The following TMEFF2 variants were observed in gnomAD, a reference collection of about 807,000 sequenced individuals.
The protein encoded by TMEFF2 is transmembrane protein with EGF like and two follistatin like domains 2, also known as tomoregulin-2.
Under a neutral mutation model 53.8 loss-of-function variants are expected in TMEFF2, and 28 were observed. The observed-to-expected ratio is 0.52, with a 90% CI of 0.39 to 0.71. TMEFF2 has a LOEUF of 0.71. Among genes scored for constraint, TMEFF2 ranks in the 30% least tolerant of loss-of-function variants. TMEFF2 has a pLI of 0.00. For synonymous variants in TMEFF2, 162 were observed against 166.3 expected (o/e 0.97, Z 0.20); for missense variants, 353 against 455.2 (o/e 0.78, Z 2.04).
chr2:192,190,544 T>A (rs1455139126), intron 2 of TMEFF2, among the ~76,000 whole-genome samples: 1 of 152,134 alleles, frequency 6.6e-6, no homozygotes, highest in Non-Finnish European at 1.5e-5. Flanking sequence ...CCTTAGAAGT[T>A]GACGTTACAT....
chr2:192,091,193 C>G (rs1688781484), intron 4 of TMEFF2, among the ~76,000 whole-genome samples: 1 of 152,114 alleles, frequency 6.6e-6, no homozygotes, highest in South Asian at 2.1e-4. Context: ...GGTACTTCCC[C>G]CGTGTGTATC....
At chr2:192,049,614 G>A (rs990058813) in intron 5 of TMEFF2, among the ~76,000 whole-genome samples, 7 of 152,142 alleles carry the variant, frequency 4.6e-5, no homozygotes, top group African/African-American at 7.2e-5. Context: ...AAGAAATAGA[G>A]AGTGAGTTTA....
At chr2:192,097,265 A>G (rs1356898070) in intron 4 of TMEFF2, among the ~76,000 whole-genome samples, 1 of 152,256 alleles carries the variant, frequency 6.6e-6, no homozygotes, top group African/African-American at 2.4e-5. Context: ...ATTGCAAGTA[A>G]AAAGATCTCA....
At chr2:192,033,520 AT>A (rs11396104) in intron 5 of TMEFF2, among the ~76,000 whole-genome samples, 8,503 of 135,528 alleles carry the variant, frequency 0.063, 359 homozygotes, top group African/African-American at 0.12. Context: ...ACCAGTTTGG[AT>A]TTTTTTTTTT....
chr2:192,076,282 C>G (rs555052848), intron 4 of TMEFF2, among the ~76,000 whole-genome samples: 29 of 152,138 alleles, frequency 1.9e-4, no homozygotes, highest in African/African-American at 6.3e-4. Context: ...CCTCTCCTTT[C>G]TATGTCTCCC....
At chr2:192,057,542 A>ATTTTTTTT in intron 5 of TMEFF2, 137 bp downstream of exon 5, 3 of 696,466 alleles carry the variant, frequency 4.3e-6, no homozygotes, top group South Asian at 4.1e-5. Context: ...CCTTGCCCTC[A>ATTTTTTTT]TTTTTTTTTT....
At chr2:192,176,443 C>T (rs6729303) in intron 4 of TMEFF2, among the ~76,000 whole-genome samples, 4,819 of 151,278 alleles carry the variant, frequency 0.032, 230 homozygotes, top group African/African-American at 0.11. Context: ...ATACAGTCAG[C>T]GAAATGCGAC....
intron 5 of TMEFF2, among the ~76,000 whole-genome samples, chr2:192,014,269 G>A (rs2105852889): frequency 6.6e-6 from 1 of 152,284 alleles, no homozygotes; most frequent in East Asian, 1.9e-4. Context: ...AGTAATCAAT[G>A]TGAACGGTAA....
chr2:192,184,298 A>C, intron 3 of TMEFF2, 56 bp downstream of exon 3: 1 of 1,593,644 alleles, frequency 6.3e-7, no homozygotes, highest in Admixed American at 1.7e-5. Context: ...AATGAAAGAC[A>C]TGGTTTTTGG....
rs1559159929 is a variant in TMEFF2 at position 192,179,647 on chromosome 2, AT to A, written c.439+20del. ...AATATCCACCAGTAAATCTTCAAATATGTAAAAAGGCAACTCCTACCTCCAT... is the reference window on the plus strand; with the variant it reads ...AATATCCACCAGTAAATCTTCAAATAGTAAAAAGGCAACTCCTACCTCCAT... On this transcript the variant is annotated intron_variant, in intron 4 of 9. Transcript: ENST00000272771. 1 of 1,564,140 alleles carries A rather than the reference AT, an allele frequency of 6.4e-7. No individual in the cohort carries two copies. The highest frequency in any genetic ancestry group is 8.6e-7 in the Non-Finnish European group (1 of 1,158,548).
chr2:191,997,793 A>G (rs1574277391), intron 7 of TMEFF2, among the ~76,000 whole-genome samples: 1 of 151,840 alleles, frequency 6.6e-6, no homozygotes, highest in East Asian at 1.9e-4. Flanking sequence ...AAAAACCTAT[A>G]CATACATTTT....
chr2:192,047,870 C>T (rs1687661983), intron 5 of TMEFF2, among the ~76,000 whole-genome samples: 1 of 152,076 alleles, frequency 6.6e-6, no homozygotes, highest in African/African-American at 2.4e-5. Flanking sequence ...TTAGATGAGT[C>T]AACACATACA....
intron 5 of TMEFF2, among the ~76,000 whole-genome samples, chr2:192,019,816 TG>T (rs1216926914): frequency 6.6e-6 from 1 of 152,052 alleles, no homozygotes; most frequent in Non-Finnish European, 1.5e-5. Flanking sequence ...ATGTTCAAAA[TG>T]ATTAGAACAC....
At chr2:192,052,874 G>A (rs557181862) in intron 5 of TMEFF2, among the ~76,000 whole-genome samples, 2 of 152,298 alleles carry the variant, frequency 1.3e-5, no homozygotes, top group South Asian at 4.1e-4. Context: ...GAGAATGGAT[G>A]TACTGGCGTG....
chr2:191,977,913 T>G (rs1685770466), intron 7 of TMEFF2, among the ~76,000 whole-genome samples: 2 of 152,198 alleles, frequency 1.3e-5, no homozygotes, highest in Non-Finnish European at 2.9e-5. Flanking sequence ...ATGGTATTCA[T>G]TCATTGTGGC....
At chr2:192,119,966 G>C (rs1689509385) in intron 4 of TMEFF2, among the ~76,000 whole-genome samples, 1 of 152,150 alleles carries the variant, frequency 6.6e-6, no homozygotes, top group African/African-American at 2.4e-5. Flanking sequence ...CTGTTCTAGA[G>C]AATAACACAG....
chr2:192,040,741 T>G (rs1025950365), intron 5 of TMEFF2, among the ~76,000 whole-genome samples: 22 of 152,044 alleles, frequency 1.4e-4, no homozygotes, highest in African/African-American at 5.3e-4. Context: ...ATTTTACATA[T>G]GAGAAAATGA....
chr2:192,095,840 AAAT>A (rs1467486523), intron 4 of TMEFF2, among the ~76,000 whole-genome samples: 1 of 152,234 alleles, frequency 6.6e-6, no homozygotes, highest in Non-Finnish European at 1.5e-5. Context: ...TTTAGCAAAT[AAAT>A]AATAAATATA....
chr2:192,120,461 T>C (rs776573334), intron 4 of TMEFF2, among the ~76,000 whole-genome samples: 2 of 152,194 alleles, frequency 1.3e-5, no homozygotes, highest in Admixed American at 6.5e-5. Context: ...CTCATAAATA[T>C]ATACAGCTTT....
Sources: gnomAD v4.1 joint callset for allele counts (sites outside exome capture counted in the v4.1 genomes callset) on GRCh38, gnomAD v4.1.1 for gene constraint, MANE v1.5 for transcripts, NCBI Gene and HGNC (gene_info 2026-07-23, HGNC 2026-07-21) for gene names.